CCBE1: variants seen among roughly 807,000 people sequenced by gnomAD.
The protein encoded by CCBE1 is collagen and calcium-binding EGF domain-containing protein 1.
In CCBE1, 37 loss-of-function variants were observed where a neutral mutation model predicts 50.0. The observed-to-expected ratio is 0.74, with a 90% confidence interval of 0.57 to 0.97. CCBE1 has a LOEUF of 0.97. CCBE1 is among the 50% of genes least tolerant of loss of function. CCBE1 has a pLI of 0.00. For synonymous variants in CCBE1, 234 were observed against 203.7 expected, an observed-to-expected ratio of 1.15 and a Z score of -1.27; for missense variants, 538 against 523.8, an observed-to-expected ratio of 1.03 and a Z score of -0.26.
intron 3 of CCBE1, among the ~76,000 whole-genome samples, chr18:59,472,331 G>A (rs1295280121): frequency 6.6e-6 from 1 of 152,058 alleles, no homozygotes; most frequent in Non-Finnish European, 1.5e-5. Flanking sequence ...TTGCATTTTT[G>A]GTTCTCAATT....
intron 2 of CCBE1, among the ~76,000 whole-genome samples, chr18:59,584,357 G>A (rs1322406186): frequency 7.1e-5 from 9 of 126,452 alleles, no homozygotes; most frequent in East Asian, 3.0e-4. Context: ...TTGTGGGGTC[G>A]GGGGAGGGGG....
intron 2 of CCBE1, among the ~76,000 whole-genome samples, chr18:59,696,187 C>G (rs966899185): frequency 6.6e-6 from 1 of 152,138 alleles, no homozygotes; most frequent in South Asian, 2.1e-4. Flanking sequence ...ACTTTTTTGT[C>G]CAGAGGCCGT....
intron 1 of CCBE1, 73 bp downstream of exon 1, chr18:59,697,139 G>T: frequency 6.5e-7 from 1 of 1,539,362 alleles, no homozygotes; most frequent in Non-Finnish European, 8.8e-7. Context: ...CGCCGGGGAG[G>T]ACCGCCCGCA....
chr18:59,678,899 T>A (rs1211288858), intron 2 of CCBE1, among the ~76,000 whole-genome samples: 1 of 152,114 alleles, frequency 6.6e-6, no homozygotes, highest in African/African-American at 2.4e-5. Context: ...ACAAAAAAAA[T>A]AGTCAAAGTA....
In CCBE1 at chr18:59,621,004, G is replaced by GAA. The variant is rs577065392; in HGVS notation, c.212+75623_212+75624dup. On this transcript the variant is annotated intron_variant, in intron 2 of 10. Coordinates refer to ENST00000439986, the MANE Select transcript of CCBE1 (RefSeq NM_133459.4). ...AGGGAAGACCATAGGAGGAGTGACA[G>GAA]AACACACAGAGTTCAACTTGGCATG... Among the ~76,000 whole-genome samples, 507 of 152,314 alleles carry GAA rather than the reference G, an allele frequency of 3.3e-3. 2 individuals carry two copies. Among genetic ancestry groups the GAA allele is most frequent in the Non-Finnish European group, 5.2e-3 (351 of 68,020 alleles).
intron 2 of CCBE1, among the ~76,000 whole-genome samples, chr18:59,673,458 A>C (rs1474684226): frequency 6.6e-6 from 1 of 151,760 alleles, no homozygotes; most frequent in Non-Finnish European, 1.5e-5. Context: ...CTCAAAAAAT[A>C]AACAAAAATG....
chr18:59,682,728 T>C (rs1235801990), intron 2 of CCBE1, among the ~76,000 whole-genome samples: 1 of 152,258 alleles, frequency 6.6e-6, no homozygotes, highest in African/African-American at 2.4e-5. Context: ...TCTTAGCATA[T>C]GCATAGAAAG....
At chr18:59,573,950 A>G (rs910983410) in intron 2 of CCBE1, among the ~76,000 whole-genome samples, 2 of 152,224 alleles carry the variant, frequency 1.3e-5, no homozygotes, top group African/African-American at 4.8e-5. Context: ...TTTTTCCTAA[A>G]TGAATGAACT....
At chr18:59,667,373 G>A (rs1000952892) in intron 2 of CCBE1, among the ~76,000 whole-genome samples, 1 of 152,218 alleles carries the variant, frequency 6.6e-6, no homozygotes, top group Non-Finnish European at 1.5e-5. Context: ...TTTCTCCAGG[G>A]CCAAGGAGGA....
At chr18:59,578,146 T>G (rs974181158) in intron 2 of CCBE1, among the ~76,000 whole-genome samples, 3 of 152,144 alleles carry the variant, frequency 2.0e-5, no homozygotes, top group African/African-American at 4.8e-5. Flanking sequence ...GTGAAGGATA[T>G]GAACAGACAC....
rs5825351 is a variant in CCBE1 at position 59,612,330 on chromosome 18, GAA to G, written c.212+84297_212+84298del. On this transcript the variant is annotated intron_variant, in intron 2 of 10. Transcript: ENST00000439986. ...AGAAAAAAAAAGGGAAGAAAAAAAAGAAAAAAAAAAAAACAAACAATCCTCCC... is the reference window on the plus strand; with the variant it reads ...AGAAAAAAAAAGGGAAGAAAAAAAAGAAAAAAAAAAACAAACAATCCTCCC... 2.3e-5 allele frequency among the ~76,000 whole-genome samples: 3 copies of G among 130,694 alleles called. No homozygotes were observed. In the East Asian group the frequency reaches 6.5e-4, roughly 28 times the overall value. The allele number at this position is 130,694 out of a possible 152,430, so 85.7% of individuals were successfully genotyped here. A position where few individuals can be genotyped will look rare whatever the true frequency, so the allele number is the denominator to read the frequency against.
chr18:59,498,722 G>C (rs1201082987), intron 2 of CCBE1, among the ~76,000 whole-genome samples: 1 of 152,164 alleles, frequency 6.6e-6, no homozygotes, highest in African/African-American at 2.4e-5. Context: ...CTTTCTGTCT[G>C]GCTGGCTTTT....
At chr18:59,497,289 A>C (rs1213228180) in intron 2 of CCBE1, among the ~76,000 whole-genome samples, 1 of 152,234 alleles carries the variant, frequency 6.6e-6, no homozygotes, top group East Asian at 1.9e-4. Context: ...CAACTCACTG[A>C]TAGATGCCGT....
intron 5 of CCBE1, among the ~76,000 whole-genome samples, chr18:59,463,612 G>A (rs1911595242): frequency 6.6e-6 from 1 of 152,200 alleles, no homozygotes; most frequent in Admixed American, 6.5e-5. Context: ...TCTGGTCATT[G>A]CTAGTGATGG....
intron 2 of CCBE1, among the ~76,000 whole-genome samples, chr18:59,494,820 G>A (rs947897918): frequency 2.0e-5 from 3 of 152,254 alleles, no homozygotes; most frequent in Non-Finnish European, 4.4e-5. Context: ...CTCTAGCGAC[G>A]ACCTGCAGCA....
In CCBE1 at chr18:59,697,249, T is replaced by G; in HGVS notation, c.94A>C (p.Thr32Pro). ...TCCGGCTCCTCTCTGTAGGTCCACG[T>G]GTGTCCCAACGCCAGGAGCAGCAGC... ...PLLLLLALGH[T>P]WTYREEPEDG... Residue 32 changes from threonine to proline, a missense_variant, in exon 1 of 11, where the codon ACG becomes CCG. Transcript: ENST00000439986. 1.3e-6 allele frequency: 2 copies of G among 1,549,246 alleles called. No homozygotes were observed. Among genetic ancestry groups the G allele is most frequent in the South Asian group, 2.4e-5 (2 of 84,014 alleles).
intron 2 of CCBE1, among the ~76,000 whole-genome samples, chr18:59,503,859 C>T (rs895309049): frequency 1.3e-5 from 2 of 152,148 alleles, no homozygotes; most frequent in Non-Finnish European, 1.5e-5. Context: ...CCTGGACAGG[C>T]CCTCATCTTC....
intron 2 of CCBE1, among the ~76,000 whole-genome samples, chr18:59,534,106 G>T (rs1449996320): frequency 2.2e-5 from 3 of 137,956 alleles, no homozygotes; most frequent in Non-Finnish European, 4.8e-5. Context: ...ATACATGGAA[G>T]ACTATAGATT....
At chr18:59,666,747 A>G (rs1452259402) in intron 2 of CCBE1, among the ~76,000 whole-genome samples, 1 of 152,124 alleles carries the variant, frequency 6.6e-6, no homozygotes. Flanking sequence ...TGGATGGATC[A>G]TGAGGTCAGG....
Sources: allele counts gnomAD v4.1 joint callset (sites outside exome capture counted in the v4.1 genomes callset), GRCh38; gene constraint gnomAD v4.1.1; transcripts MANE v1.5; gene names NCBI Gene and HGNC (gene_info 2026-07-23, HGNC 2026-07-21).